THADA: variants seen among roughly 807,000 people sequenced by gnomAD.
THADA encodes tRNA (32-2'-O)-methyltransferase regulator THADA.
THADA carries 213 observed loss-of-function variants against 219.8 expected under a neutral mutation model. The ratio of observed to expected loss-of-function variants is 0.97; its 90% CI spans 0.87 to 1.09. The LOEUF is 1.09. Among genes scored for constraint, THADA ranks in the 50% least tolerant of loss-of-function variants. The probability of loss-of-function intolerance (pLI) is 0.00; values close to 1 mark genes in which losing one functional copy is unlikely to be tolerated. For synonymous variants in THADA, 1,018 were observed against 828.9 expected (o/e 1.23, Z -3.92); for missense variants, 2,956 against 2,311.3 (o/e 1.28, Z -5.72).
chr2:43,330,551 G>A (rs1679848435), intron 30 of THADA, among the ~76,000 whole-genome samples: 1 of 152,192 alleles, frequency 6.6e-6, no homozygotes, highest in African/African-American at 2.4e-5. Flanking sequence ...GCGCACTGCC[G>A]TAAAGCCTGC....
At chr2:43,542,573 G>T (rs1023836918) in intron 20 of THADA, among the ~76,000 whole-genome samples, 102 of 152,198 alleles carry the variant, frequency 6.7e-4, no homozygotes, top group African/African-American at 2.2e-3. Context: ...GATCAAACAA[G>T]ATGTAAGAAC....
intron 4 of THADA, 36 bp from the exon 5 acceptor site, chr2:43,587,038 C>A: frequency 6.3e-7 from 1 of 1,584,512 alleles, no homozygotes; most frequent in South Asian, 1.1e-5. Context: ...ATCTGACAAT[C>A]TAATAGCCCC....
At position 43,514,637 on chromosome 2, in the gene THADA, T is replaced by A. The variant is rs1558887645; in HGVS notation, c.3375-5857A>T. Among the ~76,000 whole-genome samples, 170 of 98,930 alleles carry A rather than the reference T, an allele frequency of 1.7e-3. 16 individuals are homozygous for A. Among genetic ancestry groups the A allele is most frequent in the South Asian group, 5.2e-3 (19 of 3,684 alleles). 64.9% of individuals were successfully genotyped at this position (98,930 alleles called of 152,430 possible). On this transcript the variant is annotated intron_variant, in intron 22 of 37. Coordinates refer to ENST00000405975, the MANE Select transcript of THADA (RefSeq NM_022065.5). ...TATATATTTTATATATATGTATATT[T>A]TATATATAATATATATATTGTATAT...
At chr2:43,470,960 G>A (rs972094520) in intron 26 of THADA, among the ~76,000 whole-genome samples, 3 of 152,120 alleles carry the variant, frequency 2.0e-5, no homozygotes, top group South Asian at 2.1e-4. Context: ...TAGTGATAAT[G>A]GGGAGGACCT....
At chr2:43,458,076 A>G (rs1214032824) in intron 26 of THADA, among the ~76,000 whole-genome samples, 4 of 152,206 alleles carry the variant, frequency 2.6e-5, no homozygotes, top group East Asian at 1.9e-4. Flanking sequence ...AAAGGGTAGC[A>G]CAGGATAACA....
At chr2:43,576,693 C>T (rs1699890297) in intron 10 of THADA, among the ~76,000 whole-genome samples, 2 of 152,178 alleles carry the variant, frequency 1.3e-5, no homozygotes, top group Admixed American at 6.5e-5. Flanking sequence ...CTCACTCTGT[C>T]GCCCAGGCTT....
chr2:43,392,445 G>A (rs894310382), intron 29 of THADA, among the ~76,000 whole-genome samples: 1 of 152,150 alleles, frequency 6.6e-6, no homozygotes, highest in African/African-American at 2.4e-5. Flanking sequence ...CCTGTCTGTA[G>A]AATAGAGTGA....
chr2:43,258,562 TTTG>T (rs1281220516), intron 36 of THADA, among the ~76,000 whole-genome samples: 28 of 152,274 alleles, frequency 1.8e-4, no homozygotes, highest in African/African-American at 6.5e-4. Context: ...ATAAAAATTA[TTTG>T]TTATTTATCT....
intron 31 of THADA, among the ~76,000 whole-genome samples, chr2:43,314,907 T>G (rs1184214920): frequency 1.3e-5 from 2 of 152,252 alleles, no homozygotes; most frequent in Non-Finnish European, 2.9e-5. Context: ...AAACCTCAAA[T>G]GATTGGGAAG....
At chr2:43,250,567 C>T (rs1669713117) in intron 36 of THADA, among the ~76,000 whole-genome samples, 2 of 151,922 alleles carry the variant, frequency 1.3e-5, no homozygotes, top group Non-Finnish European at 2.9e-5. Flanking sequence ...AATATATAAA[C>T]ATGAAAAAAG....
At chr2:43,449,283 C>CA (rs1026717938) in intron 26 of THADA, among the ~76,000 whole-genome samples, 3 of 150,162 alleles carry the variant, frequency 2.0e-5, no homozygotes, top group Admixed American at 6.6e-5. Context: ...GTCTGAGGAA[C>CA]AAAAAAAAGA....
At chr2:43,575,098 T>C (rs1699720781) in intron 10 of THADA, 71 bp from the exon 11 acceptor site, 2 of 1,172,666 alleles carry the variant, frequency 1.7e-6, no homozygotes. Context: ...TATAACAATT[T>C]AGACTTTAAA....
intron 28 of THADA, among the ~76,000 whole-genome samples, chr2:43,403,863 C>G (rs1675186069): frequency 1.3e-5 from 2 of 152,122 alleles, no homozygotes; most frequent in South Asian, 4.2e-4. Context: ...TAAAGTTACT[C>G]AAGAATGCCA....
intron 26 of THADA, among the ~76,000 whole-genome samples, chr2:43,434,578 C>A (rs532573024): frequency 1.3e-5 from 2 of 152,210 alleles, no homozygotes; most frequent in African/African-American, 4.8e-5. Context: ...GGCAGGAATA[C>A]ACCAACAGGC....
intron 31 of THADA, among the ~76,000 whole-genome samples, chr2:43,296,354 C>A (rs1420424413): frequency 1.3e-5 from 2 of 151,704 alleles, no homozygotes; most frequent in Non-Finnish European, 3.0e-5. Context: ...TGGCTCACTG[C>A]AACCTTCGCC....
chr2:43,231,572 G>C (rs568031724), intron 37 of THADA, among the ~76,000 whole-genome samples: 3 of 152,148 alleles, frequency 2.0e-5, no homozygotes, highest in Non-Finnish European at 2.9e-5. Flanking sequence ...TTTTTCCCCA[G>C]ACTTAACATG....
At chr2:43,430,104 T>TA (rs1679041670) in intron 27 of THADA, 109 bp downstream of exon 27, 2 of 553,644 alleles carry the variant, frequency 3.6e-6, no homozygotes, top group African/African-American at 4.0e-5. Context: ...TAAACAAATT[T>TA]AAAAAAGGGA....
At chr2:43,560,850 C>G (rs1037343614) in intron 15 of THADA, among the ~76,000 whole-genome samples, 3 of 151,886 alleles carry the variant, frequency 2.0e-5, no homozygotes, top group African/African-American at 7.3e-5. Context: ...AACCCCTTCT[C>G]TACTAAAAAC....
chr2:43,583,082 G>A (rs1700630510), intron 7 of THADA, among the ~76,000 whole-genome samples: 1 of 151,916 alleles, frequency 6.6e-6, no homozygotes, highest in Non-Finnish European at 1.5e-5. Flanking sequence ...TAATCTACAT[G>A]CTGATAATTC....
Sources: allele counts gnomAD v4.1 joint callset (sites outside exome capture counted in the v4.1 genomes callset), GRCh38; gene constraint gnomAD v4.1.1; transcripts MANE v1.5; gene names NCBI Gene and HGNC (gene_info 2026-07-23, HGNC 2026-07-21).